Variants in TTC28 observed in about 807,000 individuals in gnomAD.
The protein encoded by TTC28 is tetratricopeptide repeat protein 28.
TTC28 carries 61 observed loss-of-function variants against 198.0 expected under a neutral mutation model. The observed-to-expected ratio is 0.31, with a 90% CI of 0.25 to 0.38. TTC28 has a LOEUF of 0.38. TTC28 is among the 10% of genes least tolerant of loss of function. The pLI is 1.00. For missense variants in TTC28, 2,678 were observed against 3,164.0 expected (o/e 0.85, Z 3.69); for synonymous variants, 1,171 against 1,297.8 (o/e 0.90, Z 2.10).
chr22:28,596,272 A>G (rs532418369), intron 2 of TTC28, among the ~76,000 whole-genome samples: 125 of 151,924 alleles, frequency 8.2e-4, no homozygotes, highest in African/African-American at 2.8e-3. Flanking sequence ...GAATGGGGGG[A>G]AAAAAAGACT....
intron 2 of TTC28, among the ~76,000 whole-genome samples, chr22:28,501,827 T>C (rs2048541838): frequency 1.3e-5 from 2 of 152,210 alleles, no homozygotes; most frequent in African/African-American, 2.4e-5. Context: ...TTTTTAAACA[T>C]AATTATGCAA....
chr22:28,653,711 C>T (rs1448232748), intron 1 of TTC28, among the ~76,000 whole-genome samples: 1 of 152,194 alleles, frequency 6.6e-6, no homozygotes, highest in Non-Finnish European at 1.5e-5. Flanking sequence ...CACTTCCCTT[C>T]CCATACTAGG....
At chr22:28,398,769 C>G (rs1216620372) in intron 2 of TTC28, among the ~76,000 whole-genome samples, 1 of 152,144 alleles carries the variant, frequency 6.6e-6, no homozygotes, top group Non-Finnish European at 1.5e-5. Flanking sequence ...AACTTTGGAA[C>G]CTACCCCCCA....
chr22:28,525,081 A>G (rs908755524), intron 2 of TTC28, among the ~76,000 whole-genome samples: 3 of 152,214 alleles, frequency 2.0e-5, no homozygotes, highest in African/African-American at 2.4e-5. Context: ...CTTCATACTT[A>G]GTATATCTTT....
chr22:28,240,191 T>C (rs573370544), intron 5 of TTC28, among the ~76,000 whole-genome samples: 1 of 152,332 alleles, frequency 6.6e-6, no homozygotes, highest in Admixed American at 6.5e-5. Flanking sequence ...ATACTGAATG[T>C]GTTAGGGAGT....
rs559465621 is a variant in TTC28 at position 28,648,463 on chromosome 22, A to T, written c.103-18633T>A. On this transcript the variant is annotated intron_variant, in intron 1 of 22. Transcript: ENST00000397906. ...TTCTCAAAGAACTAAAAGTAGATCT[A>T]TCATTTAATCCAACAATCCCACTAC... Among the ~76,000 whole-genome samples, 5 of 152,382 alleles carry T rather than the reference A, an allele frequency of 3.3e-5. No individual in the cohort carries two copies. The South Asian group carries it at 1.0e-3, about 32-fold the overall frequency.
intron 2 of TTC28, among the ~76,000 whole-genome samples, chr22:28,566,278 C>A (rs376969341): frequency 6.6e-6 from 1 of 152,178 alleles, no homozygotes; most frequent in East Asian, 1.9e-4. Flanking sequence ...ACTCTATCAT[C>A]ATCACAAAAT....
In TTC28 at chr22:28,005,581, G is replaced by A. The variant is rs1937899696; in HGVS notation, c.4219-4028C>T. 6.6e-6 allele frequency among the ~76,000 whole-genome samples: 1 copy of A among 152,206 alleles called. No individual in the cohort carries two copies. The highest frequency in any genetic ancestry group is 2.4e-5 in the African/African-American group (1 of 41,454). Reference sequence around the variant, plus strand: ...GAGGCAGGAGCCCTCCTGCTGGCCTGGGTCAGTGGTGGGTGAGGACATCCA... The same window carrying A: ...GAGGCAGGAGCCCTCCTGCTGGCCTAGGTCAGTGGTGGGTGAGGACATCCA... On this transcript the variant is annotated intron_variant, in intron 14 of 22. Coordinates refer to ENST00000397906, the MANE Select transcript of TTC28 (RefSeq NM_001145418.2). The surrounding 1 kb of genome is among the most constrained non-coding windows in gnomAD (Gnocchi z 4.9).
chr22:27,990,100 T>A, intron 20 of TTC28, 93 bp from the exon 21 acceptor site: 1 of 1,457,926 alleles, frequency 6.9e-7, no homozygotes, highest in Non-Finnish European at 9.2e-7. Context: ...CACCTGTCAC[T>A]GGCATCGCTA....
At position 27,982,359 on chromosome 22, in the gene TTC28, G is replaced by T. The variant is rs766284253; in HGVS notation, c.7308C>A (p.Thr2436=). 6.5e-7 allele frequency: 1 copy of T among 1,549,628 alleles called. No individual in the cohort carries two copies. Among genetic ancestry groups the T allele is most frequent in the South Asian group, 1.2e-5 (1 of 83,900 alleles). ...PKAPPNGHWR[T]ETTSLGSLPL... is the part of the protein sequence containing the mutation. ...GCAGTGAGCCCAGCGAGGTGGTCTC[G>T]GTGCGCCAGTGTCCGTTGGGAGGGG... Residue 2436 remains threonine, a synonymous_variant, in exon 23 of 23, where the codon ACC becomes ACA. Coordinates refer to ENST00000397906, the MANE Select transcript of TTC28 (RefSeq NM_001145418.2). The surrounding 1 kb of genome is among the most constrained non-coding windows in gnomAD (Gnocchi z 5.2).
intron 2 of TTC28, among the ~76,000 whole-genome samples, chr22:28,602,823 T>C (rs2050662298): frequency 6.6e-6 from 1 of 152,194 alleles, no homozygotes; most frequent in South Asian, 2.1e-4. Context: ...GCTTTAGCAA[T>C]AGAATACATT....
intron 1 of TTC28, among the ~76,000 whole-genome samples, chr22:28,663,128 G>C (rs1405334891): frequency 6.6e-6 from 1 of 151,714 alleles, no homozygotes; most frequent in Non-Finnish European, 1.5e-5. Context: ...AACGCCTGTA[G>C]TCCCAGCTAC....
chr22:28,511,921 A>G (rs139711246), intron 2 of TTC28, among the ~76,000 whole-genome samples: 541 of 152,246 alleles, frequency 3.6e-3, no homozygotes, highest in Middle Eastern at 0.021. Flanking sequence ...TTTTATGACA[A>G]AAACACCAAA....
At chr22:28,174,789 A>C (rs1020926949) in intron 5 of TTC28, among the ~76,000 whole-genome samples, 1 of 152,206 alleles carries the variant, frequency 6.6e-6, no homozygotes, top group African/African-American at 2.4e-5. Flanking sequence ...CCAACATATA[A>C]TTCAACACAG....
chr22:28,375,443 T>C (rs1286714756), intron 2 of TTC28, among the ~76,000 whole-genome samples: 5 of 152,234 alleles, frequency 3.3e-5, no homozygotes, highest in Admixed American at 6.5e-5. Flanking sequence ...CTAATTACTA[T>C]ACTATTCTGA....
At chr22:28,484,693 C>G (rs2048295734) in intron 2 of TTC28, among the ~76,000 whole-genome samples, 1 of 152,088 alleles carries the variant, frequency 6.6e-6, no homozygotes, top group Admixed American at 6.5e-5. Context: ...CAAGGAAAAC[C>G]CTCCATAACT....
intron 17 of TTC28, 57 bp from the exon 18 acceptor site, chr22:27,993,575 A>G: frequency 1.4e-6 from 2 of 1,476,830 alleles, no homozygotes; most frequent in African/African-American, 1.4e-5. Flanking sequence ...TTCCATCCGC[A>G]TGGCTTTGAG....
At chr22:28,647,669 C>T (rs1284276318) in intron 1 of TTC28, among the ~76,000 whole-genome samples, 1 of 151,144 alleles carries the variant, frequency 6.6e-6, no homozygotes, top group Non-Finnish European at 1.5e-5. Context: ...GAAACCCCGT[C>T]TCTACTAAAA....
chr22:28,039,318 C>T (rs1372719179), intron 12 of TTC28, among the ~76,000 whole-genome samples: 1 of 152,096 alleles, frequency 6.6e-6, no homozygotes, highest in Non-Finnish European at 1.5e-5. Flanking sequence ...GGCACATATA[C>T]ACCATGGAAT....
Sources: gnomAD v4.1 joint callset for allele counts (sites outside exome capture counted in the v4.1 genomes callset) on GRCh38, gnomAD v4.1.1 for gene constraint, Gnocchi (gnomAD v3.1) non-coding constraint, MANE v1.5 for transcripts, NCBI Gene and HGNC (gene_info 2026-07-23, HGNC 2026-07-21) for gene names.